Variants in ZDHHC18 observed in about 807,000 individuals in gnomAD.
ZDHHC18 encodes the protein palmitoyltransferase ZDHHC18.
A neutral mutation model predicts 37.5 loss-of-function variants in ZDHHC18; 23 were observed. The ratio of observed to expected loss-of-function variants is 0.61; its 90% CI spans 0.44 to 0.87. The LOEUF is 0.87. Ranked by LOEUF, ZDHHC18 falls within the 40% of genes least tolerant of loss-of-function variation. The pLI is 0.00. For synonymous variants in ZDHHC18, 185 were observed against 218.7 expected, an observed-to-expected ratio of 0.85 and a Z score of 1.36; for missense variants, 406 against 525.6, an observed-to-expected ratio of 0.77 and a Z score of 2.22.
chr1:26,834,238 GT>G (rs1324045510), intron 2 of ZDHHC18, among the ~76,000 whole-genome samples: 1 of 152,348 alleles, frequency 6.6e-6, no homozygotes, highest in Middle Eastern at 3.4e-3. Flanking sequence ...AGTGACAGCA[GT>G]AATCCCCTTC....
chr1:26,830,850 T>C (rs534882293), intron 1 of ZDHHC18, among the ~76,000 whole-genome samples: 8 of 152,316 alleles, frequency 5.3e-5, no homozygotes, highest in African/African-American at 1.7e-4. Context: ...TGGCACGATC[T>C]CGGCTCACTG....
Position 26,853,816 on chromosome 1 carries a change from T to A in ZDHHC18, c.1140T>A (p.Asp380Glu). Residue 380 changes from aspartate to glutamate, a missense_variant, in exon 8 of 8, where the codon GAT becomes GAA. Asp to Glu is a conservative substitution (Grantham distance 45). Transcript: ENST00000374142. ...AGCCAGCCTGCAGAGCCAAGCCTGA[T>A]GCCAGCATGGTAGGAGGCCACCCCT... is the stretch of plus-strand genomic sequence containing the variant. ...SDEPACRAKP[D>E]ASMVGGHP is the part of the protein sequence containing the mutation. 1 of 1,614,026 alleles carries A rather than the reference T, an allele frequency of 6.2e-7. No individual in the cohort carries two copies.
At position 26,853,994 on chromosome 1, in the gene ZDHHC18, G is replaced by C. The variant is rs1213960765; in HGVS notation, c.*151G>C. 1.4e-6 allele frequency: 1 copy of C among 737,484 alleles called. No individual in the cohort carries two copies. The highest frequency in any genetic ancestry group is 2.2e-6 in the Non-Finnish European group (1 of 447,796). The allele number at this position is 737,484 out of a possible 1,614,324, so 45.7% of individuals were successfully genotyped here. On this transcript the variant is annotated 3_prime_UTR_variant, in exon 8 of 8. Coordinates refer to ENST00000374142, the MANE Select transcript of ZDHHC18 (RefSeq NM_032283.3). ...CATCCTGCGTGGCTTTCCCTGAACT[G>C]TTCCGTGGCTGTGCCCTCTGCTCCC...
At chr1:26,834,671 T>TAGA (rs1238996527) in intron 2 of ZDHHC18, among the ~76,000 whole-genome samples, 3 of 152,212 alleles carry the variant, frequency 2.0e-5, no homozygotes, top group Non-Finnish European at 4.4e-5. Context: ...TGTCGCCATG[T>TAGA]AGAAGGCTCA....
intron 2 of ZDHHC18, among the ~76,000 whole-genome samples, chr1:26,844,193 C>T (rs2081652255): frequency 6.6e-6 from 1 of 152,094 alleles, no homozygotes; most frequent in Admixed American, 6.6e-5. Flanking sequence ...GTGCACACCA[C>T]CATGCCCAGC....
chr1:26,848,316 A>G (rs74549670), intron 2 of ZDHHC18, among the ~76,000 whole-genome samples: 5 of 143,788 alleles, frequency 3.5e-5, no homozygotes, highest in South Asian at 2.2e-4. Context: ...CTGCCTCAGG[A>G]AAAAAAAAAA....
At chr1:26,829,145 CGA>C (rs2081572392) in intron 1 of ZDHHC18, among the ~76,000 whole-genome samples, 1 of 152,070 alleles carries the variant, frequency 6.6e-6, no homozygotes, top group African/African-American at 2.4e-5. Context: ...GGGTTTGGGC[CGA>C]GAGCTCACCT....
At chr1:26,836,710 A>G (rs1407984698) in intron 2 of ZDHHC18, among the ~76,000 whole-genome samples, 1 of 149,892 alleles carries the variant, frequency 6.7e-6, no homozygotes, top group Non-Finnish European at 1.5e-5. Context: ...CTGGGACTAC[A>G]GGCACCTGCT....
intron 2 of ZDHHC18, among the ~76,000 whole-genome samples, chr1:26,840,602 C>T (rs756231848): frequency 3.3e-5 from 5 of 151,542 alleles, no homozygotes; most frequent in African/African-American, 4.8e-5. Context: ...CCACCATGCC[C>T]GGCTAATTTT....
Position 26,826,997 on chromosome 1 carries a change from C to T in ZDHHC18, c.193C>T (p.Arg65Cys), listed in dbSNP as rs1464442115. Residue 65 changes from arginine (R) to cysteine (C), a missense_variant, in exon 1 of 8, where the codon CGC (arginine) becomes TGC (cysteine). Arg to Cys is a radical substitution (Grantham distance 180). Coordinates refer to ENST00000374142, the MANE Select transcript of ZDHHC18 (RefSeq NM_032283.3). This position sits in a 1 kb window ranked among gnomAD's most constrained non-coding sequence, Gnocchi z 5.2. ...CAGCGGGAGCGGGAGCCTCGGCCGC[C>T]GCCCACGGCGCAAGTGGGAGGTGTT... ...SGSGSGSLGRRPRRKWEVFPG... is the reference protein window; with the variant it reads ...SGSGSGSLGRCPRRKWEVFPG... 5 of 1,230,224 alleles carry T rather than the reference C, an allele frequency of 4.1e-6. No individual in the cohort carries two copies. The highest frequency in any genetic ancestry group is 5.1e-6 in the Non-Finnish European group (5 of 987,034). The allele number at this position is 1,230,224 out of a possible 1,614,324, so 76.2% of individuals were successfully genotyped here.
chr1:26,843,431 G>A (rs561628123), intron 2 of ZDHHC18, among the ~76,000 whole-genome samples: 2 of 150,430 alleles, frequency 1.3e-5, no homozygotes, highest in East Asian at 4.1e-4. Flanking sequence ...GTGAGCCACC[G>A]TGCCCGGCCT....
intron 2 of ZDHHC18, among the ~76,000 whole-genome samples, chr1:26,847,117 G>C (rs1384519592): frequency 6.6e-6 from 1 of 151,388 alleles, no homozygotes; most frequent in East Asian, 2.0e-4. Context: ...GGATGGTCTC[G>C]ATCTCCTGAC....
chr1:26,826,722 G>A lies in ZDHHC18; in HGVS notation c.-83G>A, dbSNP rs1174610181. 8.9e-6 allele frequency: 6 copies of A among 673,588 alleles called. No homozygotes were observed. The highest frequency in any genetic ancestry group is 1.1e-5 in the Non-Finnish European group (6 of 547,486). The allele number at this position is 673,588 out of a possible 1,614,324, so 41.7% of individuals were successfully genotyped here. A position where few individuals can be genotyped will look rare whatever the true frequency, so the allele number is the denominator to read the frequency against. Reference sequence around the variant, plus strand: ...GCGAGCGAGCGCCGCGCGCGCCGCCGCTGCCACCTCCGCTGCTCGGCCCGG... The same window carrying A: ...GCGAGCGAGCGCCGCGCGCGCCGCCACTGCCACCTCCGCTGCTCGGCCCGG... On this transcript the variant is annotated 5_prime_UTR_variant, in exon 1 of 8. Coordinates refer to ENST00000374142, the MANE Select transcript of ZDHHC18 (RefSeq NM_032283.3). The surrounding 1 kb of genome is among the most constrained non-coding windows in gnomAD (Gnocchi z 5.2).
intron 2 of ZDHHC18, among the ~76,000 whole-genome samples, chr1:26,834,678 C>T (rs1441971640): frequency 6.6e-6 from 1 of 152,200 alleles, no homozygotes; most frequent in Non-Finnish European, 1.5e-5. Context: ...ATGTAGAAGG[C>T]TCAGTGACGT....
intron 2 of ZDHHC18, among the ~76,000 whole-genome samples, chr1:26,846,114 ATATATATATGTGTGTG>A (rs1570672916): frequency 1.5e-5 from 2 of 134,260 alleles, no homozygotes; most frequent in African/African-American, 2.5e-5. Flanking sequence ...GTGTGTGTGT[ATATATATATGTGTGTG>A]TATATATATG....
Position 26,856,534 on chromosome 1 carries a change from A to G in ZDHHC18, c.*2691A>G. 1 of 206,544 alleles carries G rather than the reference A, an allele frequency of 4.8e-6. No individual in the cohort carries two copies. The highest frequency in any genetic ancestry group is 2.3e-5 in the African/African-American group (1 of 44,110). 12.8% of individuals were successfully genotyped at this position (206,544 alleles called of 1,614,324 possible). A position where few individuals can be genotyped will look rare whatever the true frequency, so the allele number is the denominator to read the frequency against. On this transcript the variant is annotated 3_prime_UTR_variant, in exon 8 of 8. Transcript: ENST00000374142. This position sits in a 1 kb window ranked among gnomAD's most constrained non-coding sequence, Gnocchi z 5.2. ...CAGCTGGAAGAGGAGGTGGAGGGTG[A>G]GGCTGGGGAGAGGATGGCGAACCTG...
intron 2 of ZDHHC18, among the ~76,000 whole-genome samples, chr1:26,841,669 C>G (rs1345683842): frequency 6.6e-6 from 1 of 152,106 alleles, no homozygotes; most frequent in Non-Finnish European, 1.5e-5. Context: ...TTGGAAAGAG[C>G]TGCTGCTGGG....
At chr1:26,828,568 T>C (rs1307756769) in intron 1 of ZDHHC18, among the ~76,000 whole-genome samples, 1 of 152,020 alleles carries the variant, frequency 6.6e-6, no homozygotes, top group Non-Finnish European at 1.5e-5. Flanking sequence ...AAGGCTATCA[T>C]AGAGACACCC....
At chr1:26,838,089 C>T (rs969873114) in intron 2 of ZDHHC18, among the ~76,000 whole-genome samples, 66 of 145,990 alleles carry the variant, frequency 4.5e-4, no homozygotes, top group South Asian at 8.8e-4. Flanking sequence ...CTCTGCCTCT[C>T]GGGTTCAAGC....
Sources: gnomAD v4.1 joint callset for allele counts (sites outside exome capture counted in the v4.1 genomes callset) on GRCh38, gnomAD v4.1.1 for gene constraint, Gnocchi (gnomAD v3.1) non-coding constraint, MANE v1.5 for transcripts, NCBI Gene and HGNC (gene_info 2026-07-23, HGNC 2026-07-21) for gene names.